NAV2: variants seen among roughly 807,000 people sequenced by gnomAD.
NAV2 encodes helicase, APC down-regulated 1.
In NAV2, 54 loss-of-function variants were observed where a neutral mutation model predicts 223.2. The ratio of observed to expected loss-of-function variants is 0.24; its 90% CI spans 0.19 to 0.30. The LOEUF is 0.30. NAV2 is among the 10% of genes least tolerant of loss of function. NAV2 has a pLI of 1.00. For synonymous variants in NAV2, 1,279 were observed against 1,239.3 expected (o/e 1.03, Z -0.67); for missense variants, 2,806 against 3,147.5 (o/e 0.89, Z 2.60).
chr11:19,540,199 A>C (rs2044302886), intron 1 of NAV2, among the ~76,000 whole-genome samples: 1 of 152,116 alleles, frequency 6.6e-6, no homozygotes, highest in South Asian at 2.1e-4. Context: ...ACCCACCTTC[A>C]GTGGCAACTT....
intron 1 of NAV2, among the ~76,000 whole-genome samples, chr11:19,594,245 C>T (rs147038204): frequency 2.8e-4 from 43 of 152,206 alleles, no homozygotes; most frequent in African/African-American, 8.4e-4. Flanking sequence ...ACCAGGTCAT[C>T]GGCCCATTTA....
In NAV2 at chr11:20,038,923, C is replaced by T. The variant is rs116730373; in HGVS notation, c.2907+2826C>T. 4.7e-3 allele frequency among the ~76,000 whole-genome samples: 714 copies of T among 152,264 alleles called. 6 individuals are homozygous for T. Among genetic ancestry groups the T allele is most frequent in the African/African-American group, 0.016 (667 of 41,556 alleles). The stretch of plus-strand genomic sequence containing the variant: ...TATAGCTGATTGAAAGAAGAGGAGA[C>T]GGATCATTGGGAATGGAGATTCCTT... On this transcript the variant is annotated intron_variant, in intron 12 of 37. Transcript: ENST00000349880.
chr11:20,018,333 G>A (rs1052568114), intron 11 of NAV2, among the ~76,000 whole-genome samples: 17 of 112,532 alleles, frequency 1.5e-4, no homozygotes, highest in African/African-American at 3.5e-4. Context: ...CAGCCTGGGC[G>A]ACAGAGTGAG....
chr11:20,117,194 CAGTTATAAATAAAAGT>C (rs1489901747), intron 37 of NAV2, among the ~76,000 whole-genome samples: 1 of 151,376 alleles, frequency 6.6e-6, no homozygotes, highest in Non-Finnish European at 1.5e-5. Flanking sequence ...ACACAATTTA[CAGTTATAAATAAAAGT>C]AGTTTTTATT....
chr11:19,389,257 C>G (rs1000836918), intron 1 of NAV2, among the ~76,000 whole-genome samples: 4 of 152,226 alleles, frequency 2.6e-5, no homozygotes, highest in African/African-American at 7.2e-5. Context: ...GGATAAATAG[C>G]TACTATGCAC....
In NAV2 at chr11:19,749,866, G is replaced by A. The variant is rs141086099; in HGVS notation, c.267+35904G>A. 9.8e-3 allele frequency among the ~76,000 whole-genome samples: 1,497 copies of A among 152,330 alleles called. 10 individuals carry two copies. The highest frequency in any genetic ancestry group is 0.015 in the Non-Finnish European group (1,029 of 68,036). On this transcript the variant is annotated intron_variant, in intron 1 of 37. Transcript: ENST00000349880. ...TCTCCTGGTGCCGTTTGTCATCTGC[G>A]GAGAGGCCTGCCTCACGTCTATGGC...
chr11:19,348,980 C>T (rs1189139717), upstream of NAV2, among the ~76,000 whole-genome samples: 2 of 152,234 alleles, frequency 1.3e-5, no homozygotes. Context: ...GAGGTTTCAC[C>T]TTTGCAAAGG....
intron 1 of NAV2, among the ~76,000 whole-genome samples, chr11:19,659,353 G>A (rs544950716): frequency 2.0e-5 from 3 of 152,276 alleles, no homozygotes; most frequent in Admixed American, 6.5e-5. Context: ...CATAAGCTAC[G>A]GCCAGATGGT....
chr11:19,454,805 T>G (rs76934502), intron 1 of NAV2, among the ~76,000 whole-genome samples: 6,842 of 151,856 alleles, frequency 0.045, 400 homozygotes, highest in African/African-American at 0.13. Flanking sequence ...GCAAGGGGAG[T>G]GTTGGGAGGT....
At position 19,431,542 on chromosome 11, in the gene NAV2, A is replaced by G. The variant is rs143730681; in HGVS notation, c.75+80515A>G. Among the ~76,000 whole-genome samples the G allele has an allele frequency of 4.9e-3, 740 of 152,204 alleles. 5 individuals carry two copies. The highest frequency in any genetic ancestry group is 0.017 in the African/African-American group (711 of 41,492). ...ACCTGGAATTCTGTTGCACTAGAACAGTTTTTCTGGCCAAAGTGAGGTTGG... is the reference window on the plus strand; with the variant it reads ...ACCTGGAATTCTGTTGCACTAGAACGGTTTTTCTGGCCAAAGTGAGGTTGG... On this transcript the variant is annotated intron_variant, in intron 1 of 37. Transcript: ENST00000360655.
chr11:20,015,456 C>T (rs1025244112), intron 11 of NAV2, among the ~76,000 whole-genome samples: 1 of 152,344 alleles, frequency 6.6e-6, no homozygotes, highest in East Asian at 1.9e-4. Context: ...CCTATACAGG[C>T]AGCCTGAGTA....
At chr11:19,470,096 C>T (rs2041915321) in intron 1 of NAV2, among the ~76,000 whole-genome samples, 1 of 152,176 alleles carries the variant, frequency 6.6e-6, no homozygotes, top group Non-Finnish European at 1.5e-5. Context: ...CTGGAAGAGC[C>T]AGTGAATTAG....
chr11:19,795,229 C>T (rs1017587172), intron 1 of NAV2, among the ~76,000 whole-genome samples: 3 of 152,262 alleles, frequency 2.0e-5, no homozygotes, highest in Non-Finnish European at 4.4e-5. Flanking sequence ...TCAGAGCCAT[C>T]TCATACTGCT....
At chr11:19,570,186 T>C (rs2045385292) in intron 1 of NAV2, among the ~76,000 whole-genome samples, 1 of 152,184 alleles carries the variant, frequency 6.6e-6, no homozygotes, top group African/African-American at 2.4e-5. Flanking sequence ...GCTCCGGAGC[T>C]GAAGACACAG....
At chr11:19,716,663 C>G (rs2050340231) in intron 1 of NAV2, among the ~76,000 whole-genome samples, 1 of 152,174 alleles carries the variant, frequency 6.6e-6, no homozygotes, top group East Asian at 1.9e-4. Flanking sequence ...GGCATGTCCA[C>G]TTTCTGAGTG....
At chr11:19,687,793 G>A (rs1361487735) in intron 1 of NAV2, among the ~76,000 whole-genome samples, 2 of 152,164 alleles carry the variant, frequency 1.3e-5, no homozygotes, top group Admixed American at 1.3e-4. Context: ...GCGTGTGTGT[G>A]TGTGTGTGTG....
chr11:19,807,525 A>T (rs138480290), intron 1 of NAV2, among the ~76,000 whole-genome samples: 2 of 152,200 alleles, frequency 1.3e-5, no homozygotes, highest in East Asian at 3.8e-4. Context: ...CCTTGCCCCA[A>T]TGGTGGGGGC....
At chr11:19,641,277 C>T (rs201748106) in intron 1 of NAV2, among the ~76,000 whole-genome samples, 1 of 151,968 alleles carries the variant, frequency 6.6e-6, no homozygotes, top group East Asian at 1.9e-4. Context: ...TTTCTAATTC[C>T]CTTACCCTCT....
intron 1 of NAV2, among the ~76,000 whole-genome samples, chr11:19,491,999 G>A (rs191735524): frequency 1.3e-5 from 2 of 152,028 alleles, no homozygotes; most frequent in Admixed American, 6.5e-5. Flanking sequence ...GAGAGATGGG[G>A]AAAGAGCCAT....
Sources: allele counts gnomAD v4.1 joint callset (sites outside exome capture counted in the v4.1 genomes callset), GRCh38; gene constraint gnomAD v4.1.1; transcripts MANE v1.5; gene names NCBI Gene and HGNC (gene_info 2026-07-23, HGNC 2026-07-21).